Variants in GRIN2D observed in about 807,000 individuals in gnomAD.
GRIN2D encodes glutamate receptor ionotropic, NMDA 2D.
Under a neutral mutation model 103.2 loss-of-function variants are expected in GRIN2D, and 37 were observed. The observed-to-expected ratio is 0.36, with a 90% CI of 0.28 to 0.47. GRIN2D has a LOEUF of 0.47. Among genes scored for constraint, GRIN2D ranks in the 20% least tolerant of loss-of-function variants. The pLI is 1.00. For missense variants in GRIN2D, 1,557 were observed against 1,910.6 expected, an observed-to-expected ratio of 0.81 and a Z score of 3.45; for synonymous variants, 845 against 885.6, an observed-to-expected ratio of 0.95 and a Z score of 0.81.
chr19:48,414,560 G>A lies in GRIN2D; in HGVS notation c.1388G>A (p.Arg463Gln). 3.2e-6 allele frequency: 5 copies of A among 1,552,514 alleles called. No homozygotes were observed. The South Asian group carries it at 4.7e-5, about 15-fold the overall frequency. Residue 463 changes from arginine to glutamine, a missense_variant, in exon 6 of 14, where the codon CGG becomes CAG. By Grantham distance (43) the Arg-to-Gln change is conservative (BLOSUM62 1). Around this residue, in one of 7 missense-constraint regions of GRIN2D, gnomAD observed 197 missense variants for 334.1 expected, o/e 0.59. Coordinates refer to ENST00000263269, the MANE Select transcript of GRIN2D (RefSeq NM_000836.4). This position sits in a 1 kb window ranked among gnomAD's most constrained non-coding sequence, Gnocchi z 4.6. The part of the protein sequence containing the change: ...GTCIRDSVPC[R>Q]SQLNRTHSPP... ...TGCATCCGAGACTCCGTCCCCTGCCGGAGCCAGCTCAACCGAACCCACAGG... is the reference window on the plus strand; with the variant it reads ...TGCATCCGAGACTCCGTCCCCTGCCAGAGCCAGCTCAACCGAACCCACAGG...
intron 11 of GRIN2D, among the ~76,000 whole-genome samples, chr19:48,428,419 G>T (rs1273689626): frequency 1.3e-5 from 2 of 149,178 alleles, no homozygotes; most frequent in African/African-American, 5.0e-5. Context: ...GGAGTGCAGT[G>T]GCACAATCTC....
At chr19:48,433,542 A>G (rs1227225452) in intron 11 of GRIN2D, among the ~76,000 whole-genome samples, 2 of 152,156 alleles carry the variant, frequency 1.3e-5, no homozygotes, top group East Asian at 3.9e-4. Flanking sequence ...ACGTGGGCTC[A>G]CCCTACCGCT....
chr19:48,434,306 T>G (rs898928952), intron 11 of GRIN2D, among the ~76,000 whole-genome samples: 1 of 151,952 alleles, frequency 6.6e-6, no homozygotes, highest in Non-Finnish European at 1.5e-5. Flanking sequence ...CAGGCTGGAG[T>G]GCAGTGGTGT....
In GRIN2D at chr19:48,404,896, G is replaced by T. The variant is rs77698773; in HGVS notation, c.628G>T (p.Gly210Cys). 1.6e-5 allele frequency: 26 copies of T among 1,614,020 alleles called. No homozygotes were observed. The highest frequency in any genetic ancestry group is 1.9e-5 in the Non-Finnish European group (22 of 1,180,042). ...GTCCTACATTGAGGTGCTGACTGAC[G>T]GTAGTCTGGTGGGCTGGGAGCACCG... The part of the protein sequence containing the change: ...FLSYIEVLTD[G>C]SLVGWEHRGA... The change falls in exon 4 of 14, where the codon GGT (glycine) becomes TGT (cysteine). Residue 210 changes from glycine (G) to cysteine (C), a missense_variant. Gly to Cys is a radical substitution (Grantham distance 159). Around this residue, in one of 7 missense-constraint regions of GRIN2D, gnomAD observed 490 missense variants for 601.1 expected, o/e 0.82. Transcript: ENST00000263269.
Position 48,405,317 on chromosome 19 carries a change from C to A in GRIN2D, c.1049C>A (p.Ala350Asp). The A allele has an allele frequency of 6.2e-7, 1 of 1,600,868 alleles. No homozygotes were observed. The highest frequency in any genetic ancestry group is 1.1e-5 in the South Asian group (1 of 89,874). Residue 350 changes from alanine to aspartate, a missense_variant, in exon 4 of 14, where the codon GCC (alanine) becomes GAC (aspartate). Physicochemically the swap from Ala to Asp is moderately radical, Grantham distance 126. Transcript: ENST00000263269. This position sits in a 1 kb window ranked among gnomAD's most constrained non-coding sequence, Gnocchi z 5.1. ...CCTGAGCTCGGCCACGACTGTCGCG[C>A]CCAGAACCGCACCCACCGCGGCGAG... ...FLPELGHDCR[A>D]QNRTHRGESL...
In GRIN2D at chr19:48,405,449, C is replaced by A; in HGVS notation, c.1085+96C>A. ...GAGTGGCTCAAATGGGCCACATCTG[C>A]TCTTTGAGCCTCAGTTTTCTTTTCT... On this transcript the variant is annotated intron_variant, in intron 4 of 13. Coordinates refer to ENST00000263269, the MANE Select transcript of GRIN2D (RefSeq NM_000836.4). This position sits in a 1 kb window ranked among gnomAD's most constrained non-coding sequence, Gnocchi z 5.1. 8.3e-7 allele frequency: 1 copy of A among 1,207,642 alleles called. No individual in the cohort carries two copies. The allele number at this position is 1,207,642 out of a possible 1,614,324, so 74.8% of individuals were successfully genotyped here.
intron 4 of GRIN2D, among the ~76,000 whole-genome samples, chr19:48,412,064 T>C (rs1052190048): frequency 2.8e-4 from 42 of 150,956 alleles, no homozygotes; most frequent in African/African-American, 9.5e-4. Context: ...TGGTGGCTCA[T>C]GCCTGTAATC....
chr19:48,438,617 A>G (rs923307196), intron 11 of GRIN2D, among the ~76,000 whole-genome samples: 4 of 151,646 alleles, frequency 2.6e-5, no homozygotes, highest in Admixed American at 1.3e-4. Context: ...TATTTTTAAT[A>G]GAGACGGGGT....
chr19:48,422,695 T>A (rs935892549), intron 11 of GRIN2D, among the ~76,000 whole-genome samples: 1 of 152,184 alleles, frequency 6.6e-6, no homozygotes, highest in East Asian at 1.9e-4. Context: ...ACTATAGGTG[T>A]TTGCTGATAT....
chr19:48,419,815 G>A lies in GRIN2D; in HGVS notation c.2091+1G>A. On this transcript the variant is annotated splice_donor_variant, in intron 10 of 13. Coordinates refer to ENST00000263269, the MANE Select transcript of GRIN2D (RefSeq NM_000836.4). LOFTEE classifies it high-confidence loss of function. ...TGTGTCTGGGCTCAGTGACCGCAAG[G>A]TGTGTGTGGGCCCAGGGCTGGGCTG... 6.2e-7 allele frequency: 1 copy of A among 1,605,874 alleles called. No homozygotes were observed. Among genetic ancestry groups the A allele is most frequent in the Non-Finnish European group, 8.5e-7 (1 of 1,173,326 alleles).
chr19:48,413,915 A>G, intron 4 of GRIN2D, 76 bp from the exon 5 acceptor site: 1 of 828,190 alleles, frequency 1.2e-6, no homozygotes, highest in East Asian at 2.4e-5. Context: ...GTCTGCAGAA[A>G]GGGGACTTTC....
rs1176097809 is a variant in GRIN2D, at chr19:48,443,255, C to T, written c.3329C>T (p.Pro1110Leu). 2.6e-6 allele frequency: 4 copies of T among 1,519,228 alleles called. No homozygotes were observed. The South Asian group carries it at 3.6e-5, about 14-fold the overall frequency. The allele number at this position is 1,519,228 out of a possible 1,614,324, so 94.1% of individuals were successfully genotyped here. ...CCGTGCCCTTACCTCGATCTCGAGC[C>T]GTCGCCGTCGGACTCGGAGGACTCG... ...PPPCPYLDLE[P>L]SPSDSEDSES... The change falls in exon 14 of 14, where the codon CCG becomes CTG. Residue 1110 changes from proline (P) to leucine (L), a missense_variant. Pro to Leu is a moderately conservative substitution (Grantham distance 98, BLOSUM62 -3). Transcript: ENST00000263269. The surrounding 1 kb of genome is among the most constrained non-coding windows in gnomAD (Gnocchi z 8.9).
At chr19:48,403,164 A>T (rs1970738923) in intron 3 of GRIN2D, among the ~76,000 whole-genome samples, 1 of 142,092 alleles carries the variant, frequency 7.0e-6, no homozygotes, top group Non-Finnish European at 1.5e-5. Context: ...GTGCCATTGC[A>T]CTCCAGCCTG....
At chr19:48,406,941 T>C (rs1970799535) in intron 4 of GRIN2D, among the ~76,000 whole-genome samples, 2 of 152,096 alleles carry the variant, frequency 1.3e-5, no homozygotes. Flanking sequence ...CAGCTCTTTC[T>C]GGTTCTTTCT....
intron 10 of GRIN2D, among the ~76,000 whole-genome samples, chr19:48,420,592 G>A (rs923113158): frequency 3.3e-5 from 5 of 151,866 alleles, no homozygotes; most frequent in South Asian, 2.1e-4. Flanking sequence ...TTGGGAGGCC[G>A]AGGTGGGTGG....
At chr19:48,410,919 C>T (rs1970850858) in intron 4 of GRIN2D, among the ~76,000 whole-genome samples, 1 of 152,092 alleles carries the variant, frequency 6.6e-6, no homozygotes, top group Non-Finnish European at 1.5e-5. Context: ...ACATGAGAGA[C>T]AGTCAGAGTA....
chr19:48,414,280 CACACA>C lies in GRIN2D; in HGVS notation c.1201-92_1201-88del. The C allele has an allele frequency of 8.8e-7, 1 of 1,133,166 alleles. No individual in the cohort carries two copies. The highest frequency in any genetic ancestry group is 1.3e-6 in the Non-Finnish European group (1 of 781,760). 70.2% of individuals were successfully genotyped at this position (1,133,166 alleles called of 1,614,324 possible). A position where few individuals can be genotyped will look rare whatever the true frequency, so the allele number is the denominator to read the frequency against. The stretch of plus-strand genomic sequence containing the variant: ...CTGGGTCTTGGAAGAAGCTGCTGCC[CACACA>C]CCTAGGTCTGAGGGAAGAGGATCAT... On this transcript the variant is annotated intron_variant, in intron 5 of 13. Transcript: ENST00000263269. The surrounding 1 kb of genome is among the most constrained non-coding windows in gnomAD (Gnocchi z 4.6).
intron 11 of GRIN2D, among the ~76,000 whole-genome samples, chr19:48,424,265 ATTTTTTT>A (rs569050730): frequency 3.9e-5 from 4 of 101,382 alleles, no homozygotes; most frequent in Admixed American, 3.0e-4. Flanking sequence ...AAAAAAAAAA[ATTTTTTT>A]TTTTTTTTTT....
Position 48,404,875 on chromosome 19 carries a change from T to C in GRIN2D, c.607T>C (p.Tyr203His), listed in dbSNP as rs769069826. The C allele has an allele frequency of 5.0e-6, 8 of 1,614,164 alleles. No homozygotes were observed. The highest frequency in any genetic ancestry group is 6.8e-6 in the Non-Finnish European group (8 of 1,180,022). Residue 203 changes from tyrosine to histidine, a missense_variant, in exon 4 of 14, where the codon TAC becomes CAC. This residue lies in a region of GRIN2D where 490 missense variants were observed against 601.1 expected (regional missense o/e 0.82). Coordinates refer to ENST00000263269, the MANE Select transcript of GRIN2D (RefSeq NM_000836.4). ...RAPGHRAFLS[Y>H]IEVLTDGSLV... is the part of the protein sequence containing the mutation. Reference sequence around the variant, plus strand: ...CCCTGGCCACCGGGCCTTCCTGTCCTACATTGAGGTGCTGACTGACGGTAG... The same window carrying C: ...CCCTGGCCACCGGGCCTTCCTGTCCCACATTGAGGTGCTGACTGACGGTAG...
Sources: gnomAD v4.1 joint callset for allele counts (sites outside exome capture counted in the v4.1 genomes callset) on GRCh38, gnomAD v4.1.1 for gene constraint, gnomAD v4.1.1 regional missense constraint, Gnocchi (gnomAD v3.1) non-coding constraint, MANE v1.5 for transcripts, NCBI Gene and HGNC (gene_info 2026-07-23, HGNC 2026-07-21) for gene names.